The following C1orf167 variants were observed in gnomAD, a reference collection of about 807,000 sequenced individuals.
The protein encoded by C1orf167 is chromosome 1 open reading frame 167.
A neutral mutation model predicts 176.5 loss-of-function variants in C1orf167; 153 were observed. That is an observed-to-expected ratio of 0.87 (90% CI 0.76 to 0.99). C1orf167 has a LOEUF of 0.99. C1orf167 is among the 50% of genes least tolerant of loss of function. The probability of loss-of-function intolerance (pLI) is 0.00; values close to 1 mark genes in which losing one functional copy is unlikely to be tolerated. For synonymous variants in C1orf167, 594 were observed against 752.7 expected (o/e 0.79, Z 3.45); for missense variants, 1,490 against 1,817.7 (o/e 0.82, Z 3.28).
chr1:11,770,555 C>G (rs879270230), intron 6 of C1orf167, among the ~76,000 whole-genome samples: 3 of 151,140 alleles, frequency 2.0e-5, no homozygotes, highest in Non-Finnish European at 3.0e-5. Flanking sequence ...GCGATTCTCC[C>G]GCCTCAGGCT....
At chr1:11,786,717 C>G (rs886045174) in intron 16 of C1orf167, 1 of 151,764 alleles carries the variant, frequency 6.6e-6, no homozygotes, top group East Asian at 1.9e-4. Flanking sequence ...TTGGGCAGGC[C>G]CATTACGCCA....
At chr1:11,772,842 G>C (rs1643144587) in intron 8 of C1orf167, among the ~76,000 whole-genome samples, 2 of 151,028 alleles carry the variant, frequency 1.3e-5, no homozygotes, top group Non-Finnish European at 3.0e-5. Context: ...AAGGAACACA[G>C]ATCTATGAGT....
At position 11,768,117 on chromosome 1, in the gene C1orf167, T is replaced by C. The variant is rs1166580695; in HGVS notation, c.1384T>C (p.Leu462=). The C allele has an allele frequency of 7.8e-7, 1 of 1,289,556 alleles. No individual in the cohort carries two copies. The highest frequency in any genetic ancestry group is 1.0e-6 in the Non-Finnish European group (1 of 988,764). The allele number at this position is 1,289,556 out of a possible 1,614,324, so 79.9% of individuals were successfully genotyped here. Residue 462 remains leucine (L), a synonymous_variant, in exon 5 of 21, where the codon TTG becomes CTG. Transcript: ENST00000688073. This position sits in a 1 kb window ranked among gnomAD's most constrained non-coding sequence, Gnocchi z 4.5. ...LSRCFRSWRH[L]VKRQREPAAA... ...CAGATGTTTTCGATCCTGGAGGCAC[T>C]TGGTGAAGAGGCAGCGGGAGCCAGC...
chr1:11,768,992 A>G lies in C1orf167; in HGVS notation c.1562A>G (p.Gln521Arg). The G allele has an allele frequency of 2.0e-6, 2 of 985,900 alleles. No homozygotes were observed. Among genetic ancestry groups the G allele is most frequent in the Non-Finnish European group, 2.4e-6 (2 of 829,964 alleles). The allele number at this position is 985,900 out of a possible 1,614,324, so 61.1% of individuals were successfully genotyped here. A position where few individuals can be genotyped will look rare whatever the true frequency, so the allele number is the denominator to read the frequency against. The change falls in exon 6 of 21, where the codon CAG (glutamine) becomes CGG (arginine). Residue 521 changes from glutamine (Q) to arginine (R), a missense_variant. Transcript: ENST00000688073. This position sits in a 1 kb window ranked among gnomAD's most constrained non-coding sequence, Gnocchi z 4.5. ...AGCCAGTGGAGAAACCTGGCTTTAC[A>G]GCAGAAACAAGTACAGCCCCACATG... Reference protein sequence around the residue: ...SFREWRNLALQQKQVQPHMQA... With the variant: ...SFREWRNLALRQKQVQPHMQA...
chr1:11,776,824 G>A (rs1409000725), intron 10 of C1orf167, among the ~76,000 whole-genome samples, 186 bp downstream of exon 10: 1 of 152,206 alleles, frequency 6.6e-6, no homozygotes, highest in Admixed American at 6.5e-5. Context: ...GTCAGGCCCT[G>A]GGAGGTGGCC....
chr1:11,765,668 T>C (rs374070219), intron 2 of C1orf167, among the ~76,000 whole-genome samples, 189 bp from the exon 3 acceptor site: 12 of 152,114 alleles, frequency 7.9e-5, no homozygotes, highest in African/African-American at 1.7e-4. Flanking sequence ...AAGACCCCCC[T>C]ACTCCAAGAG....
chr1:11,772,276 T>C lies in C1orf167; in HGVS notation c.1988+17T>C. On this transcript the variant is annotated intron_variant, in intron 8 of 20. Coordinates refer to ENST00000688073, the MANE Select transcript of C1orf167 (RefSeq NM_001010881.2). ...GCTGTGCAGGTAGGATGCCCTTCCC[T>C]TTTTTTTGAGATGAGGTCTCACTCT... 8.0e-7 allele frequency: 1 copy of C among 1,245,386 alleles called. No individual in the cohort carries two copies. The highest frequency in any genetic ancestry group is 1.3e-5 in the South Asian group (1 of 77,904). The allele number at this position is 1,245,386 out of a possible 1,614,324, so 77.1% of individuals were successfully genotyped here.
chr1:11,782,275 C>T lies in C1orf167; in HGVS notation c.2947C>T (p.Gln983Ter). 1 of 1,301,056 alleles carries T rather than the reference C, an allele frequency of 7.7e-7. No individual in the cohort carries two copies. Among genetic ancestry groups the T allele is most frequent in the Non-Finnish European group, 1.0e-6 (1 of 987,886 alleles). The allele number at this position is 1,301,056 out of a possible 1,614,324, so 80.6% of individuals were successfully genotyped here. ...GAAGGTGGTGTTCCGGAGCTGGCAG[C>T]AGGCAGCAGCTCATCAGAGATGCAC... ...LQKVVFRSWQ[Q>*]AAAHQRCTVT... is the part of the protein sequence containing the mutation. Residue 983 changes from glutamine to a stop codon, truncating the protein, a stop_gained, in exon 14 of 21, where the codon CAG becomes TAG. Transcript: ENST00000688073. LOFTEE classifies it high-confidence loss of function.
chr1:11,772,954 A>C (rs1472300274), intron 8 of C1orf167, among the ~76,000 whole-genome samples: 2 of 101,958 alleles, frequency 2.0e-5, no homozygotes, highest in African/African-American at 6.5e-5. Context: ...GCTAGAGTGC[A>C]GTGGCACGAT....
chr1:11,768,885 T>G lies in C1orf167; in HGVS notation c.1543-88T>G, dbSNP rs1433978345. The G allele has an allele frequency of 1.1e-6, 1 of 896,052 alleles. No individual in the cohort carries two copies. Among genetic ancestry groups the G allele is most frequent in the East Asian group, 1.2e-4 (1 of 8,366 alleles). The allele number at this position is 896,052 out of a possible 1,614,324, so 55.5% of individuals were successfully genotyped here. The stretch of plus-strand genomic sequence containing the variant: ...CAGGCTGTGGAATCTGATAGGCATG[T>G]GTTACTCCTGTCCCCGCCCCTGCCT... On this transcript the variant is annotated intron_variant, in intron 5 of 20. Coordinates refer to ENST00000688073, the MANE Select transcript of C1orf167 (RefSeq NM_001010881.2). The surrounding 1 kb of genome is among the most constrained non-coding windows in gnomAD (Gnocchi z 4.5).
chr1:11,781,445 C>A (rs1193161964), intron 13 of C1orf167, among the ~76,000 whole-genome samples: 2 of 152,186 alleles, frequency 1.3e-5, no homozygotes, highest in Non-Finnish European at 1.5e-5. Context: ...GTCTTGGAGG[C>A]TGCCCACTAC....
intron 8 of C1orf167, among the ~76,000 whole-genome samples, chr1:11,775,102 T>C (rs1643246722): frequency 6.7e-6 from 1 of 149,596 alleles, no homozygotes; most frequent in African/African-American, 2.4e-5. Flanking sequence ...CTGGCCAACA[T>C]GGAGAAACCC....
intron 8 of C1orf167, 50 bp downstream of exon 8, chr1:11,772,309 A>C: frequency 7.9e-7 from 1 of 1,261,746 alleles, no homozygotes; most frequent in Non-Finnish European, 1.0e-6. Context: ...TCTGTCACCT[A>C]GGCTGAAGTA....
chr1:11,771,765 C>T (rs1239910382), intron 7 of C1orf167, 129 bp downstream of exon 7: 1 of 563,652 alleles, frequency 1.8e-6, no homozygotes, highest in Non-Finnish European at 2.8e-6. Context: ...TGGCACATTC[C>T]CAGAGACAAT....
intron 1 of C1orf167, among the ~76,000 whole-genome samples, chr1:11,763,260 T>A (rs1470643053): frequency 6.6e-6 from 1 of 152,114 alleles, no homozygotes; most frequent in African/African-American, 2.4e-5. Flanking sequence ...GCCATCATGG[T>A]GAAACCCTGT....
intron 13 of C1orf167, 113 bp downstream of exon 13, chr1:11,780,123 G>T (rs1291912643): frequency 2.6e-6 from 2 of 776,832 alleles, no homozygotes; most frequent in African/African-American, 1.8e-5. Flanking sequence ...GGGAGAACTT[G>T]AGGCAGAGGC....
At chr1:11,785,080 T>TG (rs149530892) in intron 15 of C1orf167, 68 bp from the exon 16 acceptor site, 35 of 1,185,314 alleles carry the variant, frequency 3.0e-5, no homozygotes, top group South Asian at 1.5e-4. Flanking sequence ...CGCAGGGCAC[T>TG]GGGGGGGCTC....
rs571714166 is a variant in C1orf167, at chr1:11,783,316, C to T, written c.3006-858C>T. Reference sequence around the variant, plus strand: ...AGGTTGGAGTGCAATGGCGCGATCTCGGCTTACCACAACCTCCGCCTCCCG... The same window carrying T: ...AGGTTGGAGTGCAATGGCGCGATCTTGGCTTACCACAACCTCCGCCTCCCG... On this transcript the variant is annotated intron_variant, in intron 14 of 20. Coordinates refer to ENST00000688073, the MANE Select transcript of C1orf167 (RefSeq NM_001010881.2). Among the ~76,000 whole-genome samples the T allele has an allele frequency of 3.9e-5, 6 of 152,202 alleles. No homozygotes were observed. In the South Asian group the frequency reaches 1.2e-3, roughly 32 times the overall value.
intron 13 of C1orf167, among the ~76,000 whole-genome samples, chr1:11,780,387 C>T (rs1194899831): frequency 6.6e-6 from 1 of 152,140 alleles, no homozygotes; most frequent in Admixed American, 6.5e-5. Context: ...GACAGTGACT[C>T]TGCAGAGTGC....
Sources: allele counts gnomAD v4.1 joint callset (sites outside exome capture counted in the v4.1 genomes callset), GRCh38; gene constraint gnomAD v4.1.1; non-coding constraint Gnocchi (gnomAD v3.1); transcripts MANE v1.5; gene names NCBI Gene and HGNC (gene_info 2026-07-23, HGNC 2026-07-21).